The following NWD1 variants were observed in gnomAD, a reference collection of about 807,000 sequenced individuals.
NWD1 encodes NACHT and WD repeat domain containing 1, also known as NACHT domain- and WD repeat-containing protein 1.
Under a neutral mutation model 135.1 loss-of-function variants are expected in NWD1, and 129 were observed. That is an observed-to-expected ratio of 0.96 (90% CI 0.83 to 1.11). The LOEUF is 1.11. Among genes scored for constraint, NWD1 ranks in the 50% least tolerant of loss-of-function variants. The probability of loss-of-function intolerance (pLI) is 0.00; values close to 1 mark genes in which losing one functional copy is unlikely to be tolerated. For missense variants in NWD1, 1,740 were observed against 1,851.3 expected (o/e 0.94, Z 1.10); for synonymous variants, 773 against 786.0 (o/e 0.98, Z 0.28).
chr19:16,767,165 G>A (rs1371904434), intron 10 of NWD1, among the ~76,000 whole-genome samples: 2 of 131,754 alleles, frequency 1.5e-5, no homozygotes, highest in Non-Finnish European at 3.1e-5. Flanking sequence ...AAAGAGGTGC[G>A]TCTTTTTTTT....
intron 10 of NWD1, among the ~76,000 whole-genome samples, chr19:16,766,032 AAAAGAAAG>A (rs559026309): frequency 6.9e-6 from 1 of 144,700 alleles, no homozygotes; most frequent in Non-Finnish European, 1.5e-5. Context: ...AAAAAAAAAA[AAAAGAAAG>A]AAAGAAAAGA....
intron 6 of NWD1, among the ~76,000 whole-genome samples, chr19:16,751,480 G>T (rs1001151081): frequency 1.0e-4 from 15 of 150,420 alleles, no homozygotes; most frequent in Non-Finnish European, 2.2e-4. Flanking sequence ...GAAAGAAAGA[G>T]AAAGGAAGGA....
chr19:16,768,333 C>T (rs183651297), intron 10 of NWD1, among the ~76,000 whole-genome samples: 96 of 148,566 alleles, frequency 6.5e-4, no homozygotes, highest in Non-Finnish European at 9.9e-4. Context: ...GAATTTCCTT[C>T]CTTTTAAAGG....
Position 16,815,336 on chromosome 19 carries a change from A to T in NWD1, c.*297A>T, listed in dbSNP as rs1239469807. 2 of 742,204 alleles carry T rather than the reference A, an allele frequency of 2.7e-6. No individual in the cohort carries two copies. Among genetic ancestry groups the T allele is most frequent in the Non-Finnish European group, 5.0e-6 (2 of 403,504 alleles). The allele number at this position is 742,204 out of a possible 1,614,324, so 46.0% of individuals were successfully genotyped here. A position where few individuals can be genotyped will look rare whatever the true frequency, so the allele number is the denominator to read the frequency against. On this transcript the variant is annotated 3_prime_UTR_variant, in exon 19 of 19. Coordinates refer to ENST00000524140, the MANE Select transcript of NWD1 (RefSeq NM_001007525.5). ...AGTGTGCCTGATAGTGTAAAAAAAT[A>T]AAAATAAAAAAACCCTGTGGGGGTA...
At chr19:16,723,481 A>G (rs1015328630) in intron 1 of NWD1, among the ~76,000 whole-genome samples, 3 of 151,208 alleles carry the variant, frequency 2.0e-5, no homozygotes, top group African/African-American at 7.3e-5. Context: ...GGCCCTGGAT[A>G]ATTTTTTTAT....
At chr19:16,812,853 G>C (rs781465762) in intron 18 of NWD1, 1 of 780,988 alleles carries the variant, frequency 1.3e-6, no homozygotes, top group African/African-American at 1.7e-5. Flanking sequence ...GCTGGATGGT[G>C]AGTCATTTTG....
intron 17 of NWD1, among the ~76,000 whole-genome samples, chr19:16,805,781 A>G (rs1338875682): frequency 6.6e-6 from 1 of 152,148 alleles, no homozygotes; most frequent in Non-Finnish European, 1.5e-5. Context: ...TTAACGACTG[A>G]ATGAAGTTGA....
chr19:16,769,484 C>T (rs1397624644), intron 10 of NWD1, among the ~76,000 whole-genome samples: 1 of 151,708 alleles, frequency 6.6e-6, no homozygotes, highest in Admixed American at 6.6e-5. Context: ...GCCCAAATCT[C>T]ACTAAGTATC....
At chr19:16,787,395 G>A (rs1970074335) in intron 12 of NWD1, among the ~76,000 whole-genome samples, 1 of 152,158 alleles carries the variant, frequency 6.6e-6, no homozygotes. Flanking sequence ...ACTCTTAGAT[G>A]CTGAATCTTT....
At chr19:16,809,363 T>A (rs1262190516) in intron 18 of NWD1, among the ~76,000 whole-genome samples, 2 of 151,498 alleles carry the variant, frequency 1.3e-5, no homozygotes, top group Non-Finnish European at 2.9e-5. Context: ...TTTGAGCCAC[T>A]GCACCTGGCC....
chr19:16,788,726 G>A (rs188550434), intron 12 of NWD1, among the ~76,000 whole-genome samples: 122 of 152,240 alleles, frequency 8.0e-4, no homozygotes, highest in African/African-American at 2.0e-3. Context: ...GTGCAAGGTT[G>A]TGATTTTTGT....
intron 2 of NWD1, chr19:16,727,276 A>G (rs1967366867): frequency 6.6e-6 from 1 of 152,450 alleles, no homozygotes; most frequent in Admixed American, 6.6e-5. Flanking sequence ...AGAGGAGCCA[A>G]CATCCAGAGG....
chr19:16,802,286 T>TAAATAAATAAAAATAA (rs1970624986), intron 17 of NWD1, among the ~76,000 whole-genome samples: 1 of 144,052 alleles, frequency 6.9e-6, no homozygotes, highest in South Asian at 2.3e-4. Flanking sequence ...AATAAATAAA[T>TAAATAAATAAAAATAA]AAATAAAAAT....
At chr19:16,780,657 T>C (rs1458916751) in intron 12 of NWD1, among the ~76,000 whole-genome samples, 2 of 152,002 alleles carry the variant, frequency 1.3e-5, no homozygotes, top group African/African-American at 4.8e-5. Context: ...TTTCCTTTTC[T>C]TTTTCTCATT....
intron 15 of NWD1, among the ~76,000 whole-genome samples, chr19:16,795,261 G>A (rs139643617): frequency 1.1e-3 from 168 of 152,340 alleles, no homozygotes; most frequent in African/African-American, 3.8e-3. Flanking sequence ...GTGAGCAAGT[G>A]AATGTAGGGT....
rs569276978 is a variant in NWD1 at position 16,797,927 on chromosome 19, C to T, written c.3459+41C>T. The T allele has an allele frequency of 4.8e-4, 748 of 1,560,216 alleles. 10 individuals carry two copies. The South Asian group carries it at 7.8e-3, about 16-fold the overall frequency. On this transcript the variant is annotated intron_variant, in intron 16 of 18. Transcript: ENST00000524140. ...GGACCCTTCATCCTCACCTCCACCT[C>T]GGGAACAGACACTGATTCTTTAGGG...
In NWD1 at chr19:16,730,345, A is replaced by AAAC. The variant is rs557195351; in HGVS notation, c.-6-845_-6-844insCAA. On this transcript the variant is annotated intron_variant, in intron 2 of 18. Coordinates refer to ENST00000524140, the MANE Select transcript of NWD1 (RefSeq NM_001007525.5). ...CAAAAAACAAACTAACAAAAAAACAAAAAAAAAACCCAAAATCTATTTATG... is the reference window on the plus strand; with the variant it reads ...CAAAAAACAAACTAACAAAAAAACAAAACAAAAAAAACCCAAAATCTATTTATG... Among the ~76,000 whole-genome samples, 24 of 150,850 alleles carry AAAC rather than the reference A, an allele frequency of 1.6e-4. No individual in the cohort carries two copies. In the South Asian group the frequency reaches 5.1e-3, roughly 32 times the overall value.
chr19:16,751,817 AGAAG>A (rs200357203), intron 6 of NWD1, among the ~76,000 whole-genome samples: 7,140 of 145,250 alleles, frequency 0.049, 224 homozygotes, highest in African/African-American at 0.093. Context: ...AAAGAGAAAG[AGAAG>A]GAAGGAAGGA....
chr19:16,756,785 C>A (rs567641269), intron 6 of NWD1, among the ~76,000 whole-genome samples: 1 of 152,074 alleles, frequency 6.6e-6, no homozygotes, highest in South Asian at 2.1e-4. Context: ...GAGCAGTGGG[C>A]GAACAAGTGA....
Sources: gnomAD v4.1 joint callset for allele counts (sites outside exome capture counted in the v4.1 genomes callset) on GRCh38, gnomAD v4.1.1 for gene constraint, MANE v1.5 for transcripts, NCBI Gene and HGNC (gene_info 2026-07-23, HGNC 2026-07-21) for gene names.